LSAMP: variants seen among roughly 807,000 people sequenced by gnomAD.
The protein encoded by LSAMP is limbic system associated membrane protein.
A neutral mutation model predicts 38.6 loss-of-function variants in LSAMP; 7 were observed. The observed-to-expected ratio is 0.18, with a 90% CI of 0.10 to 0.34. LSAMP has a LOEUF of 0.34. Among genes scored for constraint, LSAMP ranks in the 10% least tolerant of loss-of-function variants. LSAMP has a pLI of 1.00. For missense variants in LSAMP, 313 were observed against 420.0 expected, an observed-to-expected ratio of 0.75 and a Z score of 2.23; for synonymous variants, 154 against 166.8, an observed-to-expected ratio of 0.92 and a Z score of 0.59.
At chr3:116,119,473 A>G (rs1217148702) in intron 1 of LSAMP, among the ~76,000 whole-genome samples, 1 of 152,124 alleles carries the variant, frequency 6.6e-6, no homozygotes, top group Non-Finnish European at 1.5e-5. Context: ...ATCAAAGCAA[A>G]GAGAAAATTA....
chr3:116,086,312 C>T lies in LSAMP; in HGVS notation c.388+12G>A, dbSNP rs1456418146. The T allele has an allele frequency of 1.9e-6, 3 of 1,608,120 alleles. No individual in the cohort carries two copies. In the South Asian group the frequency reaches 3.3e-5, roughly 18 times the overall value. On this transcript the variant is annotated intron_variant, in intron 2 of 6. Transcript: ENST00000490035. ...TCTTTCTTACCACCCTTCTATCCCACACTTTCCTTACCTTGTACGATCAAG... is the reference window on the plus strand; with the variant it reads ...TCTTTCTTACCACCCTTCTATCCCATACTTTCCTTACCTTGTACGATCAAG...
chr3:116,338,651 A>C (rs1202599352), intron 1 of LSAMP, among the ~76,000 whole-genome samples: 1 of 152,052 alleles, frequency 6.6e-6, no homozygotes, highest in Non-Finnish European at 1.5e-5. Flanking sequence ...TTGCTGCTGC[A>C]GCTAAAAGAT....
intron 1 of LSAMP, among the ~76,000 whole-genome samples, chr3:116,295,189 G>A (rs977962536): frequency 2.6e-5 from 4 of 152,152 alleles, no homozygotes; most frequent in Non-Finnish European, 4.4e-5. Context: ...TACCCTACTC[G>A]AGGGGGAATC....
intron 1 of LSAMP, among the ~76,000 whole-genome samples, chr3:116,283,949 T>C (rs947234946): frequency 1.3e-5 from 2 of 152,074 alleles, no homozygotes; most frequent in African/African-American, 2.4e-5. Flanking sequence ...GAGGTTGCAG[T>C]GAGCCGAGGT....
intron 3 of LSAMP, among the ~76,000 whole-genome samples, chr3:115,960,745 C>G (rs1363443768): frequency 2.6e-5 from 4 of 152,142 alleles, no homozygotes; most frequent in African/African-American, 9.7e-5. Flanking sequence ...AGGTTTATAT[C>G]AGATAATAAA....
chr3:115,920,632 G>T (rs1038778482), intron 3 of LSAMP, among the ~76,000 whole-genome samples: 1 of 152,064 alleles, frequency 6.6e-6, no homozygotes, highest in Non-Finnish European at 1.5e-5. Flanking sequence ...CCTGGACAAT[G>T]GTTCATGTGC....
chr3:116,177,682 T>C (rs1710382246), intron 1 of LSAMP, among the ~76,000 whole-genome samples: 1 of 152,170 alleles, frequency 6.6e-6, no homozygotes, highest in Non-Finnish European at 1.5e-5. Flanking sequence ...ATTAGTTTCA[T>C]GAGAAAAAAA....
rs1933586912 is a variant in LSAMP at position 115,804,535 on chromosome 3, T to TG, written c.*5781dup. ...GAGGAAGCAGTACCAAGAAGACACT[T>TG]GGGGGTTGATACAACAGGCACATGA... On this transcript the variant is annotated 3_prime_UTR_variant, in exon 7 of 7. Transcript: ENST00000490035. The TG allele has an allele frequency of 1.3e-5, 2 of 152,134 alleles. No individual in the cohort carries two copies. Among genetic ancestry groups the TG allele is most frequent in the Admixed American group, 1.3e-4 (2 of 15,270 alleles). The allele number at this position is 152,134 out of a possible 1,614,324, so 9.4% of individuals were successfully genotyped here.
intron 1 of LSAMP, among the ~76,000 whole-genome samples, chr3:116,107,864 T>C (rs963703217): frequency 3.9e-5 from 6 of 152,140 alleles, no homozygotes; most frequent in Non-Finnish European, 8.8e-5. Flanking sequence ...TATATGGGTT[T>C]GGCACCATGG....
intron 1 of LSAMP, among the ~76,000 whole-genome samples, chr3:116,221,716 A>T (rs2046286941): frequency 6.6e-6 from 1 of 152,192 alleles, no homozygotes; most frequent in African/African-American, 2.4e-5. Flanking sequence ...ACCAGTGAAG[A>T]TCCTGGTGTC....
chr3:116,174,381 C>A (rs1262268074), intron 1 of LSAMP, among the ~76,000 whole-genome samples: 1 of 151,924 alleles, frequency 6.6e-6, no homozygotes, highest in South Asian at 2.1e-4. Context: ...ACAGCACTGG[C>A]CTACCAAACA....
intron 1 of LSAMP, among the ~76,000 whole-genome samples, chr3:116,419,154 G>A (rs2049090437): frequency 6.6e-6 from 1 of 152,120 alleles, no homozygotes; most frequent in Non-Finnish European, 1.5e-5. Flanking sequence ...TGCCACTATG[G>A]CATTATACCT....
intron 3 of LSAMP, among the ~76,000 whole-genome samples, chr3:115,980,991 G>C (rs1467554042): frequency 6.6e-6 from 1 of 152,108 alleles, no homozygotes; most frequent in East Asian, 1.9e-4. Flanking sequence ...GCTTAGGGGA[G>C]TACTTCCACT....
chr3:116,201,074 A>G (rs2107593074), intron 1 of LSAMP, among the ~76,000 whole-genome samples: 1 of 152,370 alleles, frequency 6.6e-6, no homozygotes, highest in East Asian at 1.9e-4. Flanking sequence ...AAATGAGAGC[A>G]GAGAAGAATT....
At chr3:115,929,832 T>G (rs1937551608) in intron 3 of LSAMP, among the ~76,000 whole-genome samples, 1 of 152,054 alleles carries the variant, frequency 6.6e-6, no homozygotes, top group African/African-American at 2.4e-5. Context: ...CCATGCACCC[T>G]CTAGCTTCTT....
chr3:116,034,067 C>T (rs534950650), intron 2 of LSAMP, among the ~76,000 whole-genome samples: 39 of 152,116 alleles, frequency 2.6e-4, no homozygotes, highest in South Asian at 8.3e-4. Flanking sequence ...GCGGCTCCCA[C>T]TGTCTCTATG....
At chr3:115,848,422 T>G (rs1485762629) in intron 4 of LSAMP, among the ~76,000 whole-genome samples, 1 of 152,204 alleles carries the variant, frequency 6.6e-6, no homozygotes, top group Non-Finnish European at 1.5e-5. Context: ...AGACCCTGTC[T>G]CAAAAACAAA....
rs1045515445 is a variant in LSAMP, at chr3:116,292,243, C to G, written c.155+152634G>C. 2.0e-5 allele frequency among the ~76,000 whole-genome samples: 3 copies of G among 152,128 alleles called. 1 individual carries two copies. The highest frequency in any genetic ancestry group is 2.0e-4 in the Admixed American group (3 of 15,276). On this transcript the variant is annotated intron_variant, in intron 1 of 6. Coordinates refer to ENST00000490035, the MANE Select transcript of LSAMP (RefSeq NM_002338.5). ...CTAATCTCCTCAATATATTAACAGT[C>G]CGTGCATCAAGTCAACTCATCTTTA... is the stretch of plus-strand genomic sequence containing the variant.
intron 1 of LSAMP, among the ~76,000 whole-genome samples, chr3:116,231,819 A>G (rs1172247430): frequency 6.6e-6 from 1 of 152,198 alleles, no homozygotes; most frequent in South Asian, 2.1e-4. Context: ...CAGAACTTAG[A>G]ACCTTTATAT....
Sources: allele counts gnomAD v4.1 joint callset (sites outside exome capture counted in the v4.1 genomes callset), GRCh38; gene constraint gnomAD v4.1.1; transcripts MANE v1.5; gene names NCBI Gene and HGNC (gene_info 2026-07-23, HGNC 2026-07-21).